PALM2AKAP2: variants seen among roughly 807,000 people sequenced by gnomAD.
The protein encoded by PALM2AKAP2 is PALM2 and AKAP2 fusion.
In PALM2AKAP2, 37 loss-of-function variants were observed where a neutral mutation model predicts 71.5. The ratio of observed to expected loss-of-function variants is 0.52; its 90% CI spans 0.40 to 0.68. PALM2AKAP2 has a LOEUF of 0.68. Ranked by LOEUF, PALM2AKAP2 falls within the 30% of genes least tolerant of loss-of-function variation. The pLI, the probability that PALM2AKAP2 is intolerant of heterozygous loss-of-function variation, is 0.00. For synonymous variants in PALM2AKAP2, 468 were observed against 478.8 expected (o/e 0.98, Z 0.29); for missense variants, 1,224 against 1,191.8 (o/e 1.03, Z -0.40).
intron 1 of PALM2AKAP2, among the ~76,000 whole-genome samples, chr9:109,747,034 A>C (rs1003614837): frequency 5.3e-5 from 8 of 152,176 alleles, no homozygotes; most frequent in African/African-American, 1.2e-4. Context: ...GGAAAATTAC[A>C]CCATAAACAC....
At chr9:109,730,013 T>G (rs1250769741) in intron 1 of PALM2AKAP2, among the ~76,000 whole-genome samples, 3 of 152,196 alleles carry the variant, frequency 2.0e-5, no homozygotes, top group Non-Finnish European at 4.4e-5. Flanking sequence ...ATTTCTTGAG[T>G]GAACAAATGT....
chr9:110,102,161 C>T (rs1835014514), intron 1 of PALM2AKAP2, among the ~76,000 whole-genome samples: 1 of 152,168 alleles, frequency 6.6e-6, no homozygotes, highest in Non-Finnish European at 1.5e-5. Context: ...ATGCCACATC[C>T]CAGCCTCTTT....
At chr9:110,128,850 C>T (rs1311078937) in intron 1 of PALM2AKAP2, among the ~76,000 whole-genome samples, 1 of 152,222 alleles carries the variant, frequency 6.6e-6, no homozygotes, top group Admixed American at 6.5e-5. Flanking sequence ...TATTTCTGTC[C>T]ATGACATGCC....
At chr9:110,129,847 C>T (rs1326225677) in intron 1 of PALM2AKAP2, among the ~76,000 whole-genome samples, 3 of 152,230 alleles carry the variant, frequency 2.0e-5, no homozygotes, top group Non-Finnish European at 2.9e-5. Flanking sequence ...CTACTTACTG[C>T]ATTTCAGGAC....
intron 1 of PALM2AKAP2, among the ~76,000 whole-genome samples, chr9:109,860,736 A>G (rs1829286294): frequency 6.6e-6 from 1 of 152,034 alleles, no homozygotes; most frequent in South Asian, 2.1e-4. Flanking sequence ...TTTTCCCCCT[A>G]AATAGCATCC....
chr9:110,120,090 C>T (rs1835450356), intron 1 of PALM2AKAP2, among the ~76,000 whole-genome samples: 1 of 152,160 alleles, frequency 6.6e-6, no homozygotes, highest in African/African-American at 2.4e-5. Flanking sequence ...GATAAATATC[C>T]TTTTCACAGG....
chr9:109,892,024 T>C (rs578257959), intron 3 of PALM2AKAP2, among the ~76,000 whole-genome samples: 1 of 152,342 alleles, frequency 6.6e-6, no homozygotes, highest in Admixed American at 6.5e-5. Context: ...TAAGATTACA[T>C]CTCTCAGATG....
rs1464125819 is a variant in PALM2AKAP2, at chr9:110,009,406, T to C, written c.497-6548T>C. On this transcript the variant is annotated intron_variant, in intron 6 of 9. Transcript: ENST00000302798. ...GCCTTCATTGTTTACTGTTACATTG[T>C]CTCCCTTTGTTCAAAGATGCAAAGT... 2.0e-5 allele frequency among the ~76,000 whole-genome samples: 3 copies of C among 152,220 alleles called. No homozygotes were observed. The East Asian group carries it at 5.8e-4, about 29-fold the overall frequency.
chr9:109,998,782 A>AGG (rs374630062), intron 6 of PALM2AKAP2, among the ~76,000 whole-genome samples: 2 of 144,754 alleles, frequency 1.4e-5, no homozygotes, highest in African/African-American at 5.1e-5. Context: ...AAAAAAAAAA[A>AGG]GGGGGGATAG....
chr9:109,958,300 T>C (rs531581913), intron 6 of PALM2AKAP2, among the ~76,000 whole-genome samples: 7 of 152,370 alleles, frequency 4.6e-5, no homozygotes, highest in African/African-American at 1.7e-4. Flanking sequence ...CACATAATAC[T>C]ACTTTATCAA....
At chr9:109,786,882 CAG>C (rs1826984600) in intron 1 of PALM2AKAP2, among the ~76,000 whole-genome samples, 1 of 152,166 alleles carries the variant, frequency 6.6e-6, no homozygotes, top group Non-Finnish European at 1.5e-5. Flanking sequence ...AACCAGGGCC[CAG>C]TAGAATTGTT....
chr9:110,044,266 G>A (rs1328366222), upstream of PALM2AKAP2, among the ~76,000 whole-genome samples: 3 of 151,426 alleles, frequency 2.0e-5, no homozygotes, highest in Non-Finnish European at 4.4e-5. Context: ...CAGGGACATA[G>A]AGCTATTTGT....
At chr9:110,147,371 C>G (rs1439708183) in intron 2 of PALM2AKAP2, among the ~76,000 whole-genome samples, 1 of 152,110 alleles carries the variant, frequency 6.6e-6, no homozygotes, top group Non-Finnish European at 1.5e-5. Flanking sequence ...AGCTTTGTGA[C>G]CAACTTACTT....
At chr9:110,006,941 G>A (rs968732572) in intron 6 of PALM2AKAP2, among the ~76,000 whole-genome samples, 5 of 152,104 alleles carry the variant, frequency 3.3e-5, no homozygotes, top group Non-Finnish European at 5.9e-5. Context: ...TTAACTCCAA[G>A]CCAGTTTTGA....
At chr9:109,699,055 T>C (rs1031386841) in intron 1 of PALM2AKAP2, among the ~76,000 whole-genome samples, 3 of 152,240 alleles carry the variant, frequency 2.0e-5, no homozygotes, top group African/African-American at 7.2e-5. Flanking sequence ...GACAACTTGA[T>C]TGCAGCACAT....
intron 1 of PALM2AKAP2, among the ~76,000 whole-genome samples, chr9:109,665,882 C>G (rs1206298834): frequency 1.3e-5 from 2 of 152,242 alleles, no homozygotes; most frequent in Non-Finnish European, 2.9e-5. Flanking sequence ...TTTACCTACT[C>G]AAGCCTCAGC....
chr9:109,742,883 C>A lies in PALM2AKAP2; in HGVS notation c.6-37605C>A, dbSNP rs545404919. ...AAAGGCTCAGAAACAAGAAAAAAAT[C>A]TCACCACAGCCACAAAAAGCATGCT... is the stretch of plus-strand genomic sequence containing the variant. On this transcript the variant is annotated intron_variant, in intron 1 of 6. Coordinates refer to the PALM2AKAP2 transcript ENST00000374531. 7.2e-5 allele frequency among the ~76,000 whole-genome samples: 11 copies of A among 152,276 alleles called. No individual in the cohort carries two copies. The South Asian group carries it at 2.3e-3, about 32-fold the overall frequency.
At chr9:110,016,466 A>G (rs972810259) in intron 7 of PALM2AKAP2, among the ~76,000 whole-genome samples, 1 of 152,240 alleles carries the variant, frequency 6.6e-6, no homozygotes, top group Non-Finnish European at 1.5e-5. Flanking sequence ...AGAGAGGCAT[A>G]AAGTAGCTTT....
intron 6 of PALM2AKAP2, among the ~76,000 whole-genome samples, chr9:110,011,255 T>C (rs1181807291): frequency 6.7e-6 from 1 of 149,744 alleles, no homozygotes; most frequent in Non-Finnish European, 1.5e-5. Flanking sequence ...ATATACTTTT[T>C]TCCCCAAGTT....
Sources: allele counts gnomAD v4.1 joint callset (sites outside exome capture counted in the v4.1 genomes callset), GRCh38; gene constraint gnomAD v4.1.1; transcripts MANE v1.5; gene names NCBI Gene and HGNC (gene_info 2026-07-23, HGNC 2026-07-21).